Variants in TG observed in about 807,000 individuals in gnomAD.
TG encodes thyroid hormones.
Under a neutral mutation model 324.7 loss-of-function variants are expected in TG, and 270 were observed. The ratio of observed to expected loss-of-function variants is 0.83; its 90% confidence interval spans 0.75 to 0.92. TG has a LOEUF of 0.92. TG is among the 40% of genes least tolerant of loss of function. The pLI, the probability that TG is intolerant of heterozygous loss-of-function variation, is 0.00. For missense variants in TG, 3,591 were observed against 3,456.4 expected, an observed-to-expected ratio of 1.04 and a Z score of -0.98; for synonymous variants, 1,401 against 1,327.0, an observed-to-expected ratio of 1.06 and a Z score of -1.21.
At chr8:133,106,291 A>T in intron 43 of TG, 1 of 513,612 alleles carries the variant, frequency 1.9e-6, no homozygotes, top group Non-Finnish European at 2.5e-6. Context: ...AGCAGGAGGC[A>T]GGGCCAGGGG....
intron 6 of TG, 34 bp from the exon 7 acceptor site, chr8:132,882,435 G>T: frequency 6.2e-7 from 1 of 1,613,948 alleles, no homozygotes; most frequent in Non-Finnish European, 8.5e-7. Context: ...TTCTGAATGA[G>T]ACCATCTCTG....
intron 43 of TG, among the ~76,000 whole-genome samples, chr8:133,111,162 G>A (rs913511135): frequency 6.6e-6 from 1 of 152,136 alleles, no homozygotes; most frequent in Non-Finnish European, 1.5e-5. Flanking sequence ...TCCATGGGCC[G>A]AGGTCCCAGT....
At chr8:132,945,070 T>C (rs2702994) in intron 26 of TG, among the ~76,000 whole-genome samples, 76,933 of 152,034 alleles carry the variant, frequency 0.51, 21,267 homozygotes, top group Non-Finnish European at 0.61. Context: ...TAATAACGAC[T>C]GGAAGCCACT....
chr8:133,134,385 T>C (rs16904842), intron 47 of TG, among the ~76,000 whole-genome samples: 10,601 of 152,208 alleles, frequency 0.07, 1,237 homozygotes, highest in African/African-American at 0.24. Flanking sequence ...AGTAGTCCGT[T>C]AAACAGGGAA....
At chr8:133,014,558 A>T (rs2130901922) in intron 37 of TG, among the ~76,000 whole-genome samples, 1 of 152,368 alleles carries the variant, frequency 6.6e-6, no homozygotes, top group African/African-American at 2.4e-5. Context: ...TTTTCTGTTA[A>T]CACTAATCAG....
At chr8:132,868,010 G>T (rs1839127940) in intron 1 of TG, 105 bp from the exon 2 acceptor site, 3 of 990,384 alleles carry the variant, frequency 3.0e-6, no homozygotes, top group African/African-American at 3.2e-5. Context: ...GCTGTCATAG[G>T]TAATGATGAT....
At position 132,967,976 on chromosome 8, in the gene TG, C is replaced by T. The variant is rs1828877069; in HGVS notation, c.5863+6C>T. 1 of 1,613,042 alleles carries T rather than the reference C, an allele frequency of 6.2e-7. No individual in the cohort carries two copies. Among genetic ancestry groups the T allele is most frequent in the Non-Finnish European group, 8.5e-7 (1 of 1,179,662 alleles). Reference sequence around the variant, plus strand: ...GGCCCTGTTCCGGAAGAAAGGTGAGCACTTGGAGAGATCTGCATAAACTGT... The same window carrying T: ...GGCCCTGTTCCGGAAGAAAGGTGAGTACTTGGAGAGATCTGCATAAACTGT... On this transcript the variant is annotated splice_donor_region_variant and intron_variant, in intron 31 of 47. Transcript: ENST00000220616.
intron 20 of TG, among the ~76,000 whole-genome samples, chr8:132,913,915 G>A (rs1176519962): frequency 2.0e-5 from 3 of 152,138 alleles, no homozygotes; most frequent in African/African-American, 2.4e-5. Context: ...CAGTCCTCCC[G>A]GAGGCCCCTG....
At chr8:133,107,234 T>A (rs955889684) in intron 43 of TG, among the ~76,000 whole-genome samples, 5 of 152,208 alleles carry the variant, frequency 3.3e-5, no homozygotes, top group African/African-American at 1.2e-4. Context: ...GATTTGAACC[T>A]GAGTCTCTCA....
At chr8:132,966,747 C>T (rs776192133) in intron 30 of TG, 50 bp downstream of exon 30, 2 of 1,611,748 alleles carry the variant, frequency 1.2e-6, no homozygotes, top group Non-Finnish European at 1.7e-6. Flanking sequence ...TGTAGTCAGG[C>T]ATCACAGGCC....
At chr8:133,059,891 C>T (rs184156288) in intron 41 of TG, among the ~76,000 whole-genome samples, 22 of 152,352 alleles carry the variant, frequency 1.4e-4, no homozygotes, top group Non-Finnish European at 2.8e-4. Context: ...AAAGATTTGA[C>T]ACCCTTCAGG....
At chr8:133,129,558 C>G (rs996918361) in intron 45 of TG, among the ~76,000 whole-genome samples, 1 of 152,106 alleles carries the variant, frequency 6.6e-6, no homozygotes, top group Non-Finnish European at 1.5e-5. Context: ...TGCAGTGGTA[C>G]AATCGTGGCT....
chr8:133,013,723 T>C lies in TG; in HGVS notation c.6521T>C (p.Leu2174Pro). ...THSLQGQNCR[L>P]LLREEATHIY... The stretch of plus-strand genomic sequence containing the variant: ...AGTCTGCAGGGTCAGAACTGCCGAC[T>C]TCTGCTTCGTGAAGAGGCCACCCAC... Residue 2174 changes from leucine (L) to proline (P), a missense_variant, in exon 37 of 48, where the codon CTT (leucine) becomes CCT (proline). Transcript: ENST00000220616. 6.2e-7 allele frequency: 1 copy of C among 1,613,450 alleles called. No individual in the cohort carries two copies. Among genetic ancestry groups the C allele is most frequent in the Non-Finnish European group, 8.5e-7 (1 of 1,180,016 alleles).
Position 133,102,429 on chromosome 8 carries a change from G to C in TG, c.7572+6056G>C. 4 of 841,430 alleles carry C rather than the reference G, an allele frequency of 4.8e-6. No homozygotes were observed. In the East Asian group the frequency reaches 1.1e-4, roughly 23 times the overall value. The allele number at this position is 841,430 out of a possible 1,614,324, so 52.1% of individuals were successfully genotyped here. The stretch of plus-strand genomic sequence containing the variant: ...AGCAGAGACCCACCCATTTTCTTCA[G>C]ACCAAAGACGGAGGGTGGGTACAGG... On this transcript the variant is annotated intron_variant, in intron 43 of 47. Coordinates refer to ENST00000220616, the MANE Select transcript of TG (RefSeq NM_003235.5).
chr8:132,973,391 C>T (rs1829789557), intron 34 of TG, among the ~76,000 whole-genome samples: 1 of 151,752 alleles, frequency 6.6e-6, no homozygotes. Flanking sequence ...ATTGACCCAA[C>T]ATGGGTCCTT....
At chr8:132,989,687 G>GTGCCTT (rs1832059678) in intron 35 of TG, among the ~76,000 whole-genome samples, 1 of 152,194 alleles carries the variant, frequency 6.6e-6, no homozygotes, top group Non-Finnish European at 1.5e-5. Flanking sequence ...CCTCCATCCT[G>GTGCCTT]TGCCTTTGCC....
intron 44 of TG, among the ~76,000 whole-genome samples, chr8:133,115,452 A>G (rs1252781379): frequency 1.3e-5 from 2 of 152,104 alleles, no homozygotes; most frequent in African/African-American, 2.4e-5. Flanking sequence ...TGCCCTCAAG[A>G]TGCCCACAGT....
chr8:132,893,986 A>C, intron 11 of TG, 57 bp downstream of exon 11: 1 of 1,613,422 alleles, frequency 6.2e-7, no homozygotes, highest in East Asian at 2.2e-5. Flanking sequence ...GCAGGAGCTT[A>C]AATTCGTCTC....
chr8:133,099,326 GC>G, intron 43 of TG, among the ~76,000 whole-genome samples: 2 of 152,310 alleles, frequency 1.3e-5, no homozygotes, highest in East Asian at 3.9e-4. Context: ...CATTAGTGAA[GC>G]CACTGAGCAG....
Sources: gnomAD v4.1 joint callset for allele counts (sites outside exome capture counted in the v4.1 genomes callset) on GRCh38, gnomAD v4.1.1 for gene constraint, MANE v1.5 for transcripts, NCBI Gene and HGNC (gene_info 2026-07-23, HGNC 2026-07-21) for gene names.